Variants in SH3BP4 observed in about 807,000 individuals in gnomAD.
The protein encoded by SH3BP4 is SH3 domain binding protein 4, also known as SH3 domain-binding protein 4.
SH3BP4 carries 33 observed loss-of-function variants against 65.5 expected under a neutral mutation model. The observed-to-expected ratio is 0.50, with a 90% confidence interval of 0.38 to 0.67. The LOEUF (loss-of-function observed/expected upper bound fraction) is 0.67. Ranked by LOEUF, SH3BP4 falls within the 30% of genes least tolerant of loss-of-function variation. The pLI, the probability that SH3BP4 is intolerant of heterozygous loss-of-function variation, is 0.00. For synonymous variants in SH3BP4, 552 were observed against 545.5 expected (o/e 1.01, Z -0.17); for missense variants, 1,134 against 1,261.4 (o/e 0.90, Z 1.53).
At chr2:234,973,653 ATT>A (rs11325363) in intron 1 of SH3BP4, among the ~76,000 whole-genome samples, 104 of 145,346 alleles carry the variant, frequency 7.2e-4, no homozygotes, top group Non-Finnish European at 8.9e-4. Context: ...TAAAGCCTGG[ATT>A]TTTTTTTTTT....
At chr2:234,953,687 G>A (rs1010961471) in intron 1 of SH3BP4, among the ~76,000 whole-genome samples, 4 of 152,144 alleles carry the variant, frequency 2.6e-5, no homozygotes, top group African/African-American at 9.7e-5. Context: ...GTACTTTAAG[G>A]CGCTGGGGAA....
intron 2 of SH3BP4, among the ~76,000 whole-genome samples, chr2:235,017,437 C>T (rs1694722959): frequency 7.1e-6 from 1 of 141,624 alleles, no homozygotes; most frequent in African/African-American, 2.8e-5. Flanking sequence ...CAGAGCGAGA[C>T]TCAGTCTCAA....
At chr2:235,004,313 A>G (rs192621176) in intron 2 of SH3BP4, among the ~76,000 whole-genome samples, 2 of 151,318 alleles carry the variant, frequency 1.3e-5, no homozygotes, top group Admixed American at 6.6e-5. Flanking sequence ...GTGGCACTGG[A>G]CCTCTTTAGA....
At chr2:234,989,379 G>A (rs543288282) in intron 1 of SH3BP4, among the ~76,000 whole-genome samples, 5 of 152,236 alleles carry the variant, frequency 3.3e-5, no homozygotes, top group Admixed American at 6.5e-5. Flanking sequence ...CCACACCTAC[G>A]TCTGCTTTTC....
At chr2:234,988,980 T>C (rs1693670055) in intron 1 of SH3BP4, among the ~76,000 whole-genome samples, 1 of 152,238 alleles carries the variant, frequency 6.6e-6, no homozygotes, top group Non-Finnish European at 1.5e-5. Context: ...CTCACTTGGC[T>C]GCTTCATCCA....
Position 235,054,176 on chromosome 2 carries a change from A to C in SH3BP4, c.*360A>C, listed in dbSNP as rs1696155775. 9.0e-6 allele frequency: 2 copies of C among 221,666 alleles called. No homozygotes were observed. Among genetic ancestry groups the C allele is most frequent in the Non-Finnish European group, 1.8e-5 (2 of 110,214 alleles). The allele number at this position is 221,666 out of a possible 1,614,324, so 13.7% of individuals were successfully genotyped here. A position where few individuals can be genotyped will look rare whatever the true frequency, so the allele number is the denominator to read the frequency against. On this transcript the variant is annotated 3_prime_UTR_variant, in exon 6 of 6. Coordinates refer to ENST00000392011, the MANE Select transcript of SH3BP4 (RefSeq NM_014521.3). Reference sequence around the variant, plus strand: ...AGGGGCACAGGCTGTTGAGGTTTTTATGTTGTTATAGACCTTTTTAAATTA... The same window carrying C: ...AGGGGCACAGGCTGTTGAGGTTTTTCTGTTGTTATAGACCTTTTTAAATTA...
intron 3 of SH3BP4, among the ~76,000 whole-genome samples, chr2:235,036,714 C>G (rs1052765037): frequency 1.3e-4 from 10 of 79,958 alleles, no homozygotes; most frequent in African/African-American, 5.6e-4. Flanking sequence ...GAGATCACAC[C>G]ACTGCACTCT....
chr2:234,976,202 G>A lies in SH3BP4; in HGVS notation c.-206-19101G>A, dbSNP rs140428517. On this transcript the variant is annotated intron_variant, in intron 1 of 5. Coordinates refer to ENST00000392011, the MANE Select transcript of SH3BP4 (RefSeq NM_014521.3). This position sits in a 1 kb window ranked among gnomAD's most constrained non-coding sequence, Gnocchi z 4.7. Reference sequence around the variant, plus strand: ...TCTACCCATGAAGAGCGGCTCCTGCGGGGTGGCCCGGGTTACCCCAGCAGC... The same window carrying A: ...TCTACCCATGAAGAGCGGCTCCTGCAGGGTGGCCCGGGTTACCCCAGCAGC... 1.5e-3 allele frequency among the ~76,000 whole-genome samples: 235 copies of A among 152,286 alleles called. 1 individual carries two copies. The highest frequency in any genetic ancestry group is 0.01 in the Middle Eastern group (3 of 294).
Position 235,033,165 on chromosome 2 carries a change from A to T in SH3BP4, c.-132-1706A>T, listed in dbSNP as rs1310581547. ...CCTCTCCTGCCGCCTGCTGCATTCA[A>T]GCACCACAGCCCCGGTGGCCCAGCA... On this transcript the variant is annotated intron_variant, in intron 2 of 5. Coordinates refer to ENST00000392011, the MANE Select transcript of SH3BP4 (RefSeq NM_014521.3). The surrounding 1 kb of genome is among the most constrained non-coding windows in gnomAD (Gnocchi z 5.7). Among the ~76,000 whole-genome samples the T allele has an allele frequency of 6.6e-6, 1 of 152,136 alleles. No individual in the cohort carries two copies. The highest frequency in any genetic ancestry group is 1.5e-5 in the Non-Finnish European group (1 of 68,018).
intron 1 of SH3BP4, among the ~76,000 whole-genome samples, chr2:234,975,972 A>G (rs1290254232): frequency 6.6e-6 from 1 of 152,222 alleles, no homozygotes; most frequent in Non-Finnish European, 1.5e-5. Flanking sequence ...TCTGCCTAAA[A>G]GAAGCTATTT....
Position 235,042,199 on chromosome 2 carries a change from G to T in SH3BP4, c.1430G>T (p.Gly477Val), listed in dbSNP as rs748408973. ...WDFINKKVTV[G>V]LYGPKHIHPS... ...TTCATCAATAAAAAAGTCACAGTGG[G>T]TCTCTACGGCCCTAAACACATCCAC... The change falls in exon 4 of 6, where the codon GGT (glycine) becomes GTT (valine). Residue 477 changes from glycine (G) to valine (V), a missense_variant. Coordinates refer to ENST00000392011, the MANE Select transcript of SH3BP4 (RefSeq NM_014521.3). The surrounding 1 kb of genome is among the most constrained non-coding windows in gnomAD (Gnocchi z 7.3). 7.4e-6 allele frequency: 12 copies of T among 1,614,042 alleles called. No individual in the cohort carries two copies. Among genetic ancestry groups the T allele is most frequent in the Admixed American group, 1.7e-5 (1 of 60,026 alleles).
At chr2:235,051,557 G>A (rs150578959) in intron 4 of SH3BP4, among the ~76,000 whole-genome samples, 476 of 152,260 alleles carry the variant, frequency 3.1e-3, no homozygotes, top group Middle Eastern at 0.017. Context: ...TAAAGACACA[G>A]TAGAAAGTTC....
intron 1 of SH3BP4, among the ~76,000 whole-genome samples, chr2:234,992,412 G>A (rs1693773417): frequency 1.3e-5 from 2 of 152,214 alleles, no homozygotes. Context: ...AGTGAGCTGG[G>A]GGAGGAGTGT....
At chr2:234,972,762 A>C (rs1198378907) in intron 1 of SH3BP4, among the ~76,000 whole-genome samples, 1 of 152,150 alleles carries the variant, frequency 6.6e-6, no homozygotes, top group South Asian at 2.1e-4. Flanking sequence ...TGTTTTAGAT[A>C]GTGTGTGTTT....
chr2:235,042,813 G>C lies in SH3BP4; in HGVS notation c.2044G>C (p.Gly682Arg), dbSNP rs377667134. 1.9e-6 allele frequency: 3 copies of C among 1,613,894 alleles called. No individual in the cohort carries two copies. The African/African-American group carries it at 4.0e-5, about 22-fold the overall frequency. ...CCTGCTGGAGTACAAGAAGGGCGAC[G>C]GGATCGCCCTGCTCAGCGAGGAGCG... Reference protein sequence around the residue: ...HYLLEYKKGDGIALLSEERVR... With the variant: ...HYLLEYKKGDRIALLSEERVR... The change falls in exon 4 of 6, where the codon GGG (glycine) becomes CGG (arginine). Residue 682 changes from glycine (G) to arginine (R), a missense_variant. Physicochemically the swap from Gly to Arg is moderately radical, Grantham distance 125. Coordinates refer to ENST00000392011, the MANE Select transcript of SH3BP4 (RefSeq NM_014521.3). This position sits in a 1 kb window ranked among gnomAD's most constrained non-coding sequence, Gnocchi z 7.3.
intron 1 of SH3BP4, among the ~76,000 whole-genome samples, chr2:234,953,881 C>T (rs1692531832): frequency 6.6e-6 from 1 of 151,864 alleles, no homozygotes; most frequent in South Asian, 2.1e-4. Context: ...TGGGAAGAGG[C>T]AGCGCTCTCC....
intron 1 of SH3BP4, among the ~76,000 whole-genome samples, chr2:234,959,697 G>A (rs1476842448): frequency 1.4e-5 from 2 of 142,354 alleles, no homozygotes; most frequent in African/African-American, 5.3e-5. Flanking sequence ...TCTTGCCCAC[G>A]CTGGAGTGCA....
intron 4 of SH3BP4, among the ~76,000 whole-genome samples, chr2:235,043,855 A>T (rs1695756224): frequency 6.6e-6 from 1 of 152,278 alleles, no homozygotes; most frequent in Non-Finnish European, 1.5e-5. Flanking sequence ...TGAAGTGGAG[A>T]TGGGGTTTAC....
At chr2:234,970,123 ACT>A (rs1182441447) in intron 1 of SH3BP4, among the ~76,000 whole-genome samples, 3 of 149,500 alleles carry the variant, frequency 2.0e-5, no homozygotes, top group Admixed American at 1.3e-4. Flanking sequence ...ACACTCTCAC[ACT>A]CTTACACACA....
Sources: gnomAD v4.1 joint callset for allele counts (sites outside exome capture counted in the v4.1 genomes callset) on GRCh38, gnomAD v4.1.1 for gene constraint, Gnocchi (gnomAD v3.1) non-coding constraint, MANE v1.5 for transcripts, NCBI Gene and HGNC (gene_info 2026-07-23, HGNC 2026-07-21) for gene names.